The following AFF3 variants were observed in gnomAD, a reference collection of about 807,000 sequenced individuals.
AFF3 encodes the protein AF4/FMR2 family member 3.
AFF3 carries 32 observed loss-of-function variants against 129.7 expected under a neutral mutation model. The observed-to-expected ratio is 0.25, with a 90% CI of 0.19 to 0.33. The LOEUF is 0.33. AFF3 is among the 10% of genes least tolerant of loss of function. The pLI is 1.00. For missense variants in AFF3, 1,373 were observed against 1,592.0 expected, an observed-to-expected ratio of 0.86 and a Z score of 2.34; for synonymous variants, 644 against 635.4, an observed-to-expected ratio of 1.01 and a Z score of -0.20.
chr2:99,886,336 T>C (rs17436782), intron 7 of AFF3, among the ~76,000 whole-genome samples: 4,391 of 152,272 alleles, frequency 0.029, 82 homozygotes, highest in Non-Finnish European at 0.041. Context: ...TGTCTTTAAA[T>C]GGACTGGCCT....
rs1674353303 is a variant in AFF3 at position 99,550,815 on chromosome 2, A to G, written c.*659T>C. The G allele has an allele frequency of 4.3e-6, 1 of 234,778 alleles. No individual in the cohort carries two copies. The highest frequency in any genetic ancestry group is 2.2e-5 in the African/African-American group (1 of 45,372). The allele number at this position is 234,778 out of a possible 1,614,324, so 14.5% of individuals were successfully genotyped here. A position where few individuals can be genotyped will look rare whatever the true frequency, so the allele number is the denominator to read the frequency against. ...TTTGCCTGGAATGCATTTAGTTGATAATAGAGTCAGATGGGGGAAGGGAAT... is the reference window on the plus strand; with the variant it reads ...TTTGCCTGGAATGCATTTAGTTGATGATAGAGTCAGATGGGGGAAGGGAAT... On this transcript the variant is annotated 3_prime_UTR_variant, in exon 25 of 25. Transcript: ENST00000672756.
chr2:99,627,941 AC>A (rs61351322), intron 13 of AFF3, among the ~76,000 whole-genome samples: 130,368 of 152,158 alleles, frequency 0.86, 55,982 homozygotes, highest in East Asian at 0.93. Context: ...TTGTACCAGT[AC>A]CCATGTTGTT....
chr2:99,928,228 A>G (rs1350449098), intron 7 of AFF3, among the ~76,000 whole-genome samples: 1 of 152,194 alleles, frequency 6.6e-6, no homozygotes, highest in African/African-American at 2.4e-5. Context: ...CTACATAGCT[A>G]TTGTGGGGCA....
chr2:99,913,363 T>C (rs968887919), intron 7 of AFF3, among the ~76,000 whole-genome samples: 1 of 152,146 alleles, frequency 6.6e-6, no homozygotes, highest in African/African-American at 2.4e-5. Context: ...GAGTTATAAA[T>C]GCAGAAGCGG....
intron 22 of AFF3, among the ~76,000 whole-genome samples, chr2:99,556,732 G>C (rs569206699): frequency 1.3e-5 from 2 of 152,108 alleles, no homozygotes; most frequent in East Asian, 3.9e-4. Flanking sequence ...GAAGGGTCTG[G>C]ACAACACAAG....
intron 1 of AFF3, among the ~76,000 whole-genome samples, chr2:100,142,025 C>G (rs2105622767): frequency 6.6e-6 from 1 of 152,246 alleles, no homozygotes; most frequent in East Asian, 1.9e-4. Flanking sequence ...TCCTTGCAAG[C>G]TCACTCACTG....
At chr2:99,888,146 A>G (rs1693261938) in intron 7 of AFF3, among the ~76,000 whole-genome samples, 1 of 152,248 alleles carries the variant, frequency 6.6e-6, no homozygotes, top group Non-Finnish European at 1.5e-5. Flanking sequence ...ACGAAAAAGT[A>G]TATTCCCAAT....
intron 22 of AFF3, among the ~76,000 whole-genome samples, chr2:99,556,758 C>T (rs537722501): frequency 4.3e-4 from 65 of 151,546 alleles, no homozygotes; most frequent in African/African-American, 1.5e-3. Flanking sequence ...CCTCTGTCTA[C>T]AAAAAATGAA....
At chr2:100,001,029 G>A (rs1383380331) in intron 7 of AFF3, among the ~76,000 whole-genome samples, 1 of 152,226 alleles carries the variant, frequency 6.6e-6, no homozygotes, top group Non-Finnish European at 1.5e-5. Context: ...AAGCCCGGGG[G>A]TTCTTGAGCA....
At position 99,545,851 on chromosome 2, in the gene AFF3, T is replaced by C. The variant is rs1318942642; in HGVS notation, c.*5623A>G. ...ATTAAAATAATAAAAACCAAAACCG[T>C]GGGCAGATGTAATTAGTTTGAGAAC... On this transcript the variant is annotated 3_prime_UTR_variant, in exon 25 of 25. Coordinates refer to ENST00000672756, the MANE Select transcript of AFF3 (RefSeq NM_001386135.1). 5.4e-6 allele frequency: 1 copy of C among 186,420 alleles called. No homozygotes were observed. The highest frequency in any genetic ancestry group is 1.1e-5 in the Non-Finnish European group (1 of 88,164). 11.5% of individuals were successfully genotyped at this position (186,420 alleles called of 1,614,324 possible).
In AFF3 at chr2:99,731,263, G is replaced by A. The variant is rs904114107; in HGVS notation, c.1040-4135C>T. The stretch of plus-strand genomic sequence containing the variant: ...GTAAGCTACCGTGCCCAGCCAATGC[G>A]TTTTTATTTCTAGATGTACCAACTT... On this transcript the variant is annotated intron_variant, in intron 10 of 24. Transcript: ENST00000672756. 2.4e-4 allele frequency among the ~76,000 whole-genome samples: 36 copies of A among 152,162 alleles called. 1 individual carries two copies. The highest frequency in any genetic ancestry group is 1.4e-3 in the East Asian group (7 of 5,176).
chr2:99,785,394 G>A (rs886710541), intron 8 of AFF3, among the ~76,000 whole-genome samples: 2 of 152,252 alleles, frequency 1.3e-5, no homozygotes, highest in South Asian at 2.1e-4. Flanking sequence ...TAAGGACAGC[G>A]CTAGTTCGAA....
intron 11 of AFF3, among the ~76,000 whole-genome samples, chr2:99,714,732 T>C (rs1018785075): frequency 6.6e-6 from 1 of 152,240 alleles, no homozygotes; most frequent in African/African-American, 2.4e-5. Flanking sequence ...TGTAACCTTA[T>C]TGTTAAATGC....
chr2:99,885,186 C>T (rs114868546), intron 7 of AFF3, among the ~76,000 whole-genome samples: 335 of 152,250 alleles, frequency 2.2e-3, no homozygotes, highest in African/African-American at 7.4e-3. Context: ...AGTCTACAGG[C>T]GTTCCTATTG....
chr2:99,741,078 T>C (rs1428457737), intron 10 of AFF3, among the ~76,000 whole-genome samples: 7 of 152,218 alleles, frequency 4.6e-5, no homozygotes, highest in Admixed American at 1.3e-4. Flanking sequence ...CCATTGCTTG[T>C]TTTTCTCAGG....
In AFF3 at chr2:100,004,258, A is replaced by C. The variant is rs537848136; in HGVS notation, c.873+2374T>G. 2.0e-5 allele frequency among the ~76,000 whole-genome samples: 3 copies of C among 152,272 alleles called. No homozygotes were observed. The South Asian group carries it at 6.2e-4, about 32-fold the overall frequency. On this transcript the variant is annotated intron_variant, in intron 7 of 24. Transcript: ENST00000672756. ...ACCCTTCTCTACCTCACTGGAAGTT[A>C]ATGTCTGTACTATTGAGAGGACATT...
At chr2:99,839,648 G>T in intron 7 of AFF3, among the ~76,000 whole-genome samples, 1 of 145,116 alleles carries the variant, frequency 6.9e-6, no homozygotes, top group Admixed American at 7.2e-5. Context: ...GCCTCGCTCT[G>T]TCACCCAGGC....
intron 11 of AFF3, among the ~76,000 whole-genome samples, chr2:99,723,707 A>G (rs1290914658): frequency 6.6e-6 from 1 of 152,164 alleles, no homozygotes; most frequent in African/African-American, 2.4e-5. Context: ...TTAATGTTAC[A>G]GGCCAAACTA....
At chr2:99,870,400 G>T (rs975530971) in intron 7 of AFF3, among the ~76,000 whole-genome samples, 1 of 152,218 alleles carries the variant, frequency 6.6e-6, no homozygotes, top group African/African-American at 2.4e-5. Flanking sequence ...CCCACAGCAG[G>T]TGGAGGAGAG....
Sources: allele counts gnomAD v4.1 joint callset (sites outside exome capture counted in the v4.1 genomes callset), GRCh38; gene constraint gnomAD v4.1.1; transcripts MANE v1.5; gene names NCBI Gene and HGNC (gene_info 2026-07-23, HGNC 2026-07-21).